Variants in CDC14B observed in about 807,000 individuals in gnomAD.
CDC14B encodes cell division cycle 14B.
Under a neutral mutation model 64.2 loss-of-function variants are expected in CDC14B, and 22 were observed. The ratio of observed to expected loss-of-function variants is 0.34; its 90% CI spans 0.24 to 0.49. The LOEUF (loss-of-function observed/expected upper bound fraction) is 0.49, where lower values mean the gene tolerates loss of function less well. CDC14B is among the 20% of genes least tolerant of loss of function. CDC14B has a pLI of 0.99. For missense variants in CDC14B, 498 were observed against 629.9 expected (o/e 0.79, Z 2.24); for synonymous variants, 191 against 215.8 (o/e 0.89, Z 1.01).
intron 1 of CDC14B, among the ~76,000 whole-genome samples, chr9:96,610,128 G>C (rs959703163): frequency 1.2e-4 from 18 of 152,084 alleles, no homozygotes; most frequent in Admixed American, 2.6e-4. Context: ...CACCCATTCA[G>C]ATTTGTTTTT....
rs1837060992 is a variant in CDC14B at position 96,523,436 on chromosome 9, A to T, written c.1086-16T>A. 3 of 1,612,552 alleles carry T rather than the reference A, an allele frequency of 1.9e-6. No individual in the cohort carries two copies. The highest frequency in any genetic ancestry group is 1.7e-6 in the Non-Finnish European group (2 of 1,179,010). On this transcript the variant is annotated splice_polypyrimidine_tract_variant and intron_variant, in intron 10 of 13. Coordinates refer to ENST00000375241, the MANE Select transcript of CDC14B (RefSeq NM_033331.4). ...GGTTTGCTTCCTAGAGCATTTAAAT[A>T]ACATCAAAATAGAGCTTTCCAGAAA...
chr9:96,537,568 A>C (rs1184261818), intron 7 of CDC14B, among the ~76,000 whole-genome samples: 1 of 152,182 alleles, frequency 6.6e-6, no homozygotes, highest in Non-Finnish European at 1.5e-5. Context: ...CTGGCAGGTC[A>C]AAGTTGCTGG....
chr9:96,519,016 T>G (rs1001597963), intron 12 of CDC14B, among the ~76,000 whole-genome samples: 4 of 151,836 alleles, frequency 2.6e-5, no homozygotes, highest in African/African-American at 7.2e-5. Flanking sequence ...GGCGCCTGTA[T>G]TCCCAGCTAC....
At chr9:96,608,868 C>T (rs991620615) in intron 1 of CDC14B, among the ~76,000 whole-genome samples, 1 of 147,758 alleles carries the variant, frequency 6.8e-6, no homozygotes, top group African/African-American at 2.5e-5. Context: ...ACACTATTCC[C>T]TGTTGTTTAA....
At chr9:96,603,646 T>C (rs1295816860) in intron 1 of CDC14B, among the ~76,000 whole-genome samples, 1 of 152,258 alleles carries the variant, frequency 6.6e-6, no homozygotes, top group African/African-American at 2.4e-5. Flanking sequence ...GCTTTTATTA[T>C]TGAATCTTGA....
At chr9:96,609,930 C>T (rs924687583) in intron 1 of CDC14B, among the ~76,000 whole-genome samples, 1 of 152,196 alleles carries the variant, frequency 6.6e-6, no homozygotes, top group Non-Finnish European at 1.5e-5. Context: ...TTCAGCTTTT[C>T]AGACTCAAAG....
intron 4 of CDC14B, among the ~76,000 whole-genome samples, chr9:96,553,355 CTTTTCT>C (rs1430517604): frequency 1.4e-5 from 2 of 144,914 alleles, no homozygotes; most frequent in African/African-American, 2.8e-5. Flanking sequence ...TCTTTCTTTT[CTTTTCT>C]TTTTTTTTTT....
chr9:96,511,984 A>G (rs1286524943), intron 12 of CDC14B, among the ~76,000 whole-genome samples: 2 of 152,072 alleles, frequency 1.3e-5, no homozygotes, highest in Non-Finnish European at 2.9e-5. Flanking sequence ...AGCTTCTCAG[A>G]TTTTCAGTCA....
chr9:96,599,225 CA>C (rs1176113013), intron 1 of CDC14B, among the ~76,000 whole-genome samples: 1 of 151,926 alleles, frequency 6.6e-6, no homozygotes, highest in Non-Finnish European at 1.5e-5. Context: ...ATTAAAAATA[CA>C]AAAAATTAGC....
intron 1 of CDC14B, among the ~76,000 whole-genome samples, chr9:96,577,064 C>T (rs925546955): frequency 6.6e-6 from 1 of 151,944 alleles, no homozygotes; most frequent in African/African-American, 2.4e-5. Flanking sequence ...ACCAGCCTGG[C>T]CAACATGGTA....
In CDC14B at chr9:96,529,489, C is replaced by CATT. The variant is rs1564255829; in HGVS notation, c.946+4437_946+4438insAAT. Among the ~76,000 whole-genome samples the CATT allele has an allele frequency of 2.6e-3, 377 of 145,148 alleles. 9 individuals carry two copies. The highest frequency in any genetic ancestry group is 9.6e-3 in the African/African-American group (360 of 37,516). On this transcript the variant is annotated intron_variant, in intron 9 of 13. Coordinates refer to ENST00000375241, the MANE Select transcript of CDC14B (RefSeq NM_033331.4). ...TTGATTGATGTAGCTTTGTACTAAG[C>CATT]CTTTTTTTTTTTTTTTTTTTGAGAC...
chr9:96,566,634 G>A (rs77776077), intron 1 of CDC14B: 44,609 of 820,650 alleles, frequency 0.054, 1,486 homozygotes, highest in Non-Finnish European at 0.067. Context: ...GGGGACAAGT[G>A]CCGAGGCCAC....
Position 96,519,624 on chromosome 9 carries a change from C to T in CDC14B, c.1343+2882G>A, listed in dbSNP as rs191518753. ...TGGTGGTGCATAATCCCAGATACTCCGGAGGCTCAGGCAGCAGAATCACTT... is the reference window on the plus strand; with the variant it reads ...TGGTGGTGCATAATCCCAGATACTCTGGAGGCTCAGGCAGCAGAATCACTT... On this transcript the variant is annotated intron_variant, in intron 12 of 13. Coordinates refer to ENST00000375241, the MANE Select transcript of CDC14B (RefSeq NM_033331.4). Among the ~76,000 whole-genome samples the T allele has an allele frequency of 1.3e-3, 190 of 151,000 alleles. 2 individuals are homozygous for T. In the East Asian group the frequency reaches 0.021, roughly 16 times the overall value.
At chr9:96,593,292 T>A (rs1044916903) in intron 1 of CDC14B, among the ~76,000 whole-genome samples, 1 of 152,032 alleles carries the variant, frequency 6.6e-6, no homozygotes, top group Admixed American at 6.5e-5. Flanking sequence ...ATAGAGACCA[T>A]CCTGGCCAAG....
chr9:96,517,696 T>C (rs1835948170), intron 12 of CDC14B, among the ~76,000 whole-genome samples: 1 of 148,302 alleles, frequency 6.7e-6, no homozygotes, highest in African/African-American at 2.5e-5. Context: ...ACAGGGGTCT[T>C]GCTCTGTTGC....
At chr9:96,593,981 C>CA (rs1430831777) in intron 1 of CDC14B, among the ~76,000 whole-genome samples, 1 of 152,088 alleles carries the variant, frequency 6.6e-6, no homozygotes, top group East Asian at 1.9e-4. Flanking sequence ...AAAATAAAAA[C>CA]AAAAAATCTG....
intron 1 of CDC14B, among the ~76,000 whole-genome samples, chr9:96,604,026 C>T (rs564019823): frequency 6.6e-6 from 1 of 152,304 alleles, no homozygotes; most frequent in African/African-American, 2.4e-5. Context: ...ACTTTACAGG[C>T]ACACACTCTG....
intron 9 of CDC14B, among the ~76,000 whole-genome samples, chr9:96,527,397 T>C (rs1162045812): frequency 2.6e-5 from 4 of 152,120 alleles, no homozygotes; most frequent in African/African-American, 9.7e-5. Context: ...AGACTCCGTC[T>C]CAAAAACAAA....
chr9:96,551,093 C>T (rs1182666773), intron 5 of CDC14B, among the ~76,000 whole-genome samples: 2 of 121,614 alleles, frequency 1.6e-5, no homozygotes, highest in Non-Finnish European at 3.3e-5. Context: ...TGATACAAAG[C>T]CTAGGTTTTG....
Sources: gnomAD v4.1 joint callset for allele counts (sites outside exome capture counted in the v4.1 genomes callset) on GRCh38, gnomAD v4.1.1 for gene constraint, MANE v1.5 for transcripts, NCBI Gene and HGNC (gene_info 2026-07-23, HGNC 2026-07-21) for gene names.